The following RBFOX1 variants were observed in gnomAD, a reference collection of about 807,000 sequenced individuals.
The protein encoded by RBFOX1 is RNA binding fox-1 homolog 1.
RBFOX1 carries 8 observed loss-of-function variants against 57.7 expected under a neutral mutation model. The ratio of observed to expected loss-of-function variants is 0.14; its 90% CI spans 0.08 to 0.25. The LOEUF (loss-of-function observed/expected upper bound fraction) is 0.25. Ranked by LOEUF, RBFOX1 falls within the 10% of genes least tolerant of loss-of-function variation. The probability of loss-of-function intolerance (pLI) is 1.00; values close to 1 mark genes in which losing one functional copy is unlikely to be tolerated. For missense variants in RBFOX1, 611 were observed against 548.5 expected (o/e 1.11, Z -1.14); for synonymous variants, 326 against 222.4 (o/e 1.47, Z -4.15).
chr16:6,025,198 T>A (rs577871575), intron 1 of RBFOX1, among the ~76,000 whole-genome samples: 1 of 152,320 alleles, frequency 6.6e-6, no homozygotes, highest in East Asian at 1.9e-4. Context: ...CCGGCTCTAT[T>A]TTTTCAAAGT....
At chr16:7,705,128 CATAAAAG>C (rs2082022619) in intron 14 of RBFOX1, among the ~76,000 whole-genome samples, 2 of 150,948 alleles carry the variant, frequency 1.3e-5, no homozygotes, top group African/African-American at 4.9e-5. Flanking sequence ...TGATTTGAAA[CATAAAAG>C]ATGAAAGTCA....
At chr16:6,376,783 C>T (rs142893020) in intron 2 of RBFOX1, among the ~76,000 whole-genome samples, 125 of 152,208 alleles carry the variant, frequency 8.2e-4, no homozygotes, top group Middle Eastern at 3.4e-3. Context: ...AATCTGAAAT[C>T]GGGGTATTAG....
At chr16:5,665,568 G>T (rs2049815389) in intron 3 of RBFOX1, among the ~76,000 whole-genome samples, 1 of 152,188 alleles carries the variant, frequency 6.6e-6, no homozygotes, top group Admixed American at 6.5e-5. Context: ...GTGCCACAGG[G>T]GCAGGGACCT....
intron 4 of RBFOX1, among the ~76,000 whole-genome samples, chr16:5,989,873 CACACACA>C (rs1567227299): frequency 1.8e-4 from 21 of 117,710 alleles, no homozygotes; most frequent in South Asian, 1.3e-3. Context: ...CACACACACA[CACACACA>C]CCACCCCTGT....
chr16:7,044,567 G>C (rs1446465600), intron 3 of RBFOX1, among the ~76,000 whole-genome samples: 1 of 152,146 alleles, frequency 6.6e-6, no homozygotes, highest in African/African-American at 2.4e-5. Flanking sequence ...TTTCATAAGT[G>C]CTTACTTGGC....
At chr16:5,849,682 G>A (rs1015125384) in intron 3 of RBFOX1, among the ~76,000 whole-genome samples, 1 of 152,086 alleles carries the variant, frequency 6.6e-6, no homozygotes, top group Non-Finnish European at 1.5e-5. Context: ...CCCTCACTCC[G>A]AGGCATCGGC....
intron 3 of RBFOX1, among the ~76,000 whole-genome samples, chr16:6,836,802 A>G (rs1474978482): frequency 6.6e-6 from 1 of 152,218 alleles, no homozygotes; most frequent in Non-Finnish European, 1.5e-5. Context: ...TAGAAAGTAC[A>G]GATGTTTTTT....
At chr16:5,628,084 C>G (rs747789011) in intron 3 of RBFOX1, among the ~76,000 whole-genome samples, 8 of 152,190 alleles carry the variant, frequency 5.3e-5, no homozygotes, top group African/African-American at 1.9e-4. Flanking sequence ...TGGTCTGTCT[C>G]TGCCCACCCC....
chr16:5,299,125 C>A (rs957818701), intron 1 of RBFOX1, among the ~76,000 whole-genome samples: 5 of 151,450 alleles, frequency 3.3e-5, no homozygotes, highest in African/African-American at 1.2e-4. Context: ...CTAACAATTT[C>A]CATCACAATA....
intron 4 of RBFOX1, among the ~76,000 whole-genome samples, chr16:5,960,265 T>C (rs1183089003): frequency 6.6e-6 from 1 of 152,186 alleles, no homozygotes; most frequent in Non-Finnish European, 1.5e-5. Flanking sequence ...CTTTTATCTA[T>C]ATTATTTCAC....
At chr16:6,854,950 C>A (rs150208782) in intron 3 of RBFOX1, among the ~76,000 whole-genome samples, 2 of 151,856 alleles carry the variant, frequency 1.3e-5, no homozygotes, top group Non-Finnish European at 2.9e-5. Flanking sequence ...CTTTGATCAC[C>A]GAGATTAGAA....
intron 3 of RBFOX1, among the ~76,000 whole-genome samples, chr16:6,824,332 A>G (rs540574544): frequency 6.6e-6 from 1 of 152,300 alleles, no homozygotes; most frequent in South Asian, 2.1e-4. Flanking sequence ...CTTGAACCAG[A>G]GAGGCACAGG....
chr16:7,029,181 TGTATATATACACATATGTATACGTATAC>T lies in RBFOX1; in HGVS notation c.-15-22866_-15-22839del, dbSNP rs1568441047. Among the ~76,000 whole-genome samples, 845 of 104,870 alleles carry T rather than the reference TGTATATATACACATATGTATACGTATAC, an allele frequency of 8.1e-3. 200 individuals carry two copies. Among genetic ancestry groups the T allele is most frequent in the East Asian group, 0.044 (114 of 2,604 alleles). The allele number at this position is 104,870 out of a possible 152,430, so 68.8% of individuals were successfully genotyped here. ...ATATACACATATATATACGTATACG[TGTATATATACACATATGTATACGTATAC>T]GTATATATATACACACATATATATA... is the stretch of plus-strand genomic sequence containing the variant. On this transcript the variant is annotated intron_variant, in intron 3 of 15. Coordinates refer to ENST00000550418, the MANE Select transcript of RBFOX1 (RefSeq NM_018723.4).
In RBFOX1 at chr16:5,856,012, A is replaced by T. The variant is rs368402965; in HGVS notation, c.319-11291A>T. 5.5e-5 allele frequency among the ~76,000 whole-genome samples: 7 copies of T among 127,782 alleles called. No individual in the cohort carries two copies. In the South Asian group the frequency reaches 9.9e-4, roughly 18 times the overall value. 83.8% of individuals were successfully genotyped at this position (127,782 alleles called of 152,430 possible). On this transcript the variant is annotated intron_variant, in intron 3 of 19. Coordinates refer to the RBFOX1 transcript ENST00000641259. ...TTTTTTTTTTGCTATCGTCAATAAG[A>T]TTACTTTCCTAATTTTCTTTCCAGT...
intron 4 of RBFOX1, among the ~76,000 whole-genome samples, chr16:5,968,427 T>C (rs1480190362): frequency 6.6e-6 from 1 of 152,202 alleles, no homozygotes; most frequent in Non-Finnish European, 1.5e-5. Context: ...TCTGAGTTAC[T>C]GCATGTTGTT....
At chr16:5,837,353 G>T (rs1432469978) in intron 3 of RBFOX1, among the ~76,000 whole-genome samples, 1 of 151,932 alleles carries the variant, frequency 6.6e-6, no homozygotes, top group African/African-American at 2.4e-5. Context: ...ATGAGGGTTT[G>T]TCCAGCTGGC....
At chr16:7,641,042 G>T (rs1269677153) in intron 11 of RBFOX1, among the ~76,000 whole-genome samples, 1 of 152,068 alleles carries the variant, frequency 6.6e-6, no homozygotes, top group African/African-American at 2.4e-5. Flanking sequence ...ACATTCCCAA[G>T]GGCCCCAGCT....
chr16:6,066,902 G>A (rs1201465517), intron 1 of RBFOX1, among the ~76,000 whole-genome samples: 4 of 151,876 alleles, frequency 2.6e-5, no homozygotes, highest in Non-Finnish European at 5.9e-5. Context: ...GCATTTGACC[G>A]TTGACTCACC....
chr16:6,844,481 A>C (rs954676389), intron 3 of RBFOX1, among the ~76,000 whole-genome samples: 3 of 151,262 alleles, frequency 2.0e-5, no homozygotes, highest in Non-Finnish European at 4.4e-5. Flanking sequence ...TTATCTTCCA[A>C]CTCCATCTAT....
Sources: gnomAD v4.1 joint callset for allele counts (sites outside exome capture counted in the v4.1 genomes callset) on GRCh38, gnomAD v4.1.1 for gene constraint, MANE v1.5 for transcripts, NCBI Gene and HGNC (gene_info 2026-07-23, HGNC 2026-07-21) for gene names.